The following GALNT18 variants were observed in gnomAD, a reference collection of about 807,000 sequenced individuals.
GALNT18 encodes the protein GalNAc-transferase 18.
Under a neutral mutation model 69.5 loss-of-function variants are expected in GALNT18, and 44 were observed. The observed-to-expected ratio is 0.63, with a 90% confidence interval of 0.50 to 0.81. The LOEUF (loss-of-function observed/expected upper bound fraction) is 0.81. Among genes scored for constraint, GALNT18 ranks in the 40% least tolerant of loss-of-function variants. The probability of loss-of-function intolerance (pLI) is 0.00; values close to 1 mark genes in which losing one functional copy is unlikely to be tolerated. For missense variants in GALNT18, 715 were observed against 810.0 expected (o/e 0.88, Z 1.42); for synonymous variants, 364 against 318.2 (o/e 1.14, Z -1.53).
chr11:11,503,307 T>G (rs1346355296), intron 1 of GALNT18, among the ~76,000 whole-genome samples: 1 of 152,218 alleles, frequency 6.6e-6, no homozygotes, highest in Non-Finnish European at 1.5e-5. Context: ...TCTCTGAGCC[T>G]GTTTCCTCAG....
rs534117264 is a variant in GALNT18, at chr11:11,465,890, T to C, written c.236-16954A>G. Among the ~76,000 whole-genome samples, 1 of 152,296 alleles carries C rather than the reference T, an allele frequency of 6.6e-6. No individual in the cohort carries two copies. Among genetic ancestry groups the C allele is most frequent in the East Asian group, 1.9e-4 (1 of 5,184 alleles). On this transcript the variant is annotated intron_variant, in intron 1 of 10. Coordinates refer to ENST00000227756, the MANE Select transcript of GALNT18 (RefSeq NM_198516.3). The surrounding 1 kb of genome is among the most constrained non-coding windows in gnomAD (Gnocchi z 5.7). ...TGCCTTCTTCCCTGGCCTCACTGCATGGCTCACCAGTGCTCTGCTCAACAT... is the reference window on the plus strand; with the variant it reads ...TGCCTTCTTCCCTGGCCTCACTGCACGGCTCACCAGTGCTCTGCTCAACAT...
intron 3 of GALNT18, among the ~76,000 whole-genome samples, chr11:11,406,051 A>G (rs902706183): frequency 6.6e-6 from 1 of 152,232 alleles, no homozygotes; most frequent in African/African-American, 2.4e-5. Flanking sequence ...AAACAGCTAC[A>G]TGAGGATAAA....
At position 11,356,994 on chromosome 11, in the gene GALNT18, C is replaced by T. The variant is rs12291742; in HGVS notation, c.1092+15521G>A. Among the ~76,000 whole-genome samples, 199 of 152,240 alleles carry T rather than the reference C, an allele frequency of 1.3e-3. No homozygotes were observed. Among genetic ancestry groups the T allele is most frequent in the South Asian group, 3.3e-3 (16 of 4,818 alleles). ...CTGGCTGGTGTGCTAGGGGATAACA[C>T]GCAATAGCCACGGAGCTTCCTGCTC... On this transcript the variant is annotated intron_variant, in intron 6 of 10. Coordinates refer to ENST00000227756, the MANE Select transcript of GALNT18 (RefSeq NM_198516.3). The surrounding 1 kb of genome is among the most constrained non-coding windows in gnomAD (Gnocchi z 4.4).
In GALNT18 at chr11:11,496,113, T is replaced by C. The variant is rs1312761772; in HGVS notation, c.236-47177A>G. Among the ~76,000 whole-genome samples, 4 of 152,220 alleles carry C rather than the reference T, an allele frequency of 2.6e-5. No homozygotes were observed. Among genetic ancestry groups the C allele is most frequent in the Admixed American group, 1.3e-4 (2 of 15,280 alleles). On this transcript the variant is annotated intron_variant, in intron 1 of 10. Transcript: ENST00000227756. The surrounding 1 kb of genome is among the most constrained non-coding windows in gnomAD (Gnocchi z 4.0). Reference sequence around the variant, plus strand: ...GCAAAGAATAAGAGCCAGGAGCTTCTTGTGTGTTTGTTGAATGAATGAATG... The same window carrying C: ...GCAAAGAATAAGAGCCAGGAGCTTCCTGTGTGTTTGTTGAATGAATGAATG...
chr11:11,593,047 C>G (rs1859396152), intron 1 of GALNT18, among the ~76,000 whole-genome samples: 1 of 152,180 alleles, frequency 6.6e-6, no homozygotes, highest in Non-Finnish European at 1.5e-5. Flanking sequence ...TCCTGAGTAG[C>G]TGGGACTACA....
intron 1 of GALNT18, among the ~76,000 whole-genome samples, chr11:11,554,970 A>C (rs779251165): frequency 5.9e-5 from 9 of 152,212 alleles, no homozygotes; most frequent in Non-Finnish European, 1.0e-4. Flanking sequence ...TGGGAAGGAA[A>C]CACAGAATCT....
intron 5 of GALNT18, among the ~76,000 whole-genome samples, chr11:11,376,843 A>G (rs1465606554): frequency 6.6e-6 from 1 of 152,166 alleles, no homozygotes. Context: ...TAATGTTCCT[A>G]TTCCAATGAT....
At chr11:11,428,420 T>C (rs548898454) in intron 3 of GALNT18, among the ~76,000 whole-genome samples, 4 of 152,360 alleles carry the variant, frequency 2.6e-5, no homozygotes, top group African/African-American at 9.6e-5. Context: ...CTTCCCACCA[T>C]GTCTGGCCTC....
rs944523196 is a variant in GALNT18, at chr11:11,402,213, G to A, written c.596-22949C>T. On this transcript the variant is annotated intron_variant, in intron 3 of 10. Coordinates refer to ENST00000227756, the MANE Select transcript of GALNT18 (RefSeq NM_198516.3). This position sits in a 1 kb window ranked among gnomAD's most constrained non-coding sequence, Gnocchi z 4.0. ...GTTTATTTTCTGTCACCTTGGGAAC[G>A]CTACCCTTCAGAGTGTTTATAGAAC... Among the ~76,000 whole-genome samples the A allele has an allele frequency of 6.6e-6, 1 of 152,192 alleles. No homozygotes were observed. Among genetic ancestry groups the A allele is most frequent in the South Asian group, 2.1e-4 (1 of 4,820 alleles).
rs964677269 is a variant in GALNT18 at position 11,337,594 on chromosome 11, G to A, written c.1278+3225C>T. 6.6e-6 allele frequency among the ~76,000 whole-genome samples: 1 copy of A among 152,272 alleles called. No individual in the cohort carries two copies. The highest frequency in any genetic ancestry group is 1.9e-4 in the East Asian group (1 of 5,178). On this transcript the variant is annotated intron_variant, in intron 7 of 10. Transcript: ENST00000227756. The surrounding 1 kb of genome is among the most constrained non-coding windows in gnomAD (Gnocchi z 4.9). ...CATGCAATGACAGAGAGATATTTAGGAGGGGGAGCTCTTCCCCCAGTTGGA... is the reference window on the plus strand; with the variant it reads ...CATGCAATGACAGAGAGATATTTAGAAGGGGGAGCTCTTCCCCCAGTTGGA...
intron 6 of GALNT18, among the ~76,000 whole-genome samples, chr11:11,357,904 A>G (rs1850563589): frequency 6.6e-6 from 1 of 152,240 alleles, no homozygotes. Context: ...TGCACTAAAT[A>G]CAAAATAAAT....
chr11:11,405,111 C>T (rs915256833), intron 3 of GALNT18, among the ~76,000 whole-genome samples: 67 of 152,260 alleles, frequency 4.4e-4, no homozygotes, highest in African/African-American at 1.5e-3. Flanking sequence ...GAGCCCCGGC[C>T]GTGGCAACCT....
chr11:11,288,929 A>G (rs1042966918), intron 10 of GALNT18, among the ~76,000 whole-genome samples: 4 of 152,164 alleles, frequency 2.6e-5, no homozygotes, highest in Non-Finnish European at 5.9e-5. Flanking sequence ...TGTGGAGCTT[A>G]AATGTGGTCC....
At position 11,448,835 on chromosome 11, in the gene GALNT18, C is replaced by T; in HGVS notation, c.337G>A (p.Ala113Thr). The T allele has an allele frequency of 6.2e-7, 1 of 1,612,710 alleles. No homozygotes were observed. The highest frequency in any genetic ancestry group is 8.5e-7 in the Non-Finnish European group (1 of 1,179,488). The change falls in exon 2 of 11, where the codon GCC becomes ACC. Residue 113 changes from alanine to threonine, a missense_variant. Coordinates refer to ENST00000227756, the MANE Select transcript of GALNT18 (RefSeq NM_198516.3). ...CCGTAGTACTGGAATTGCTTCAGGG[C>T]CACGCGCCGGCCTTCGGGGCTGAGC... Reference protein sequence around the residue: ...QELSPEGRRVALKQFQYYGYN... With the variant: ...QELSPEGRRVTLKQFQYYGYN...
intron 1 of GALNT18, among the ~76,000 whole-genome samples, chr11:11,537,592 T>C (rs1857812283): frequency 6.6e-6 from 1 of 152,140 alleles, no homozygotes; most frequent in South Asian, 2.1e-4. Context: ...AGCCCAGCCA[T>C]GGAGAAAGTC....
intron 1 of GALNT18, among the ~76,000 whole-genome samples, chr11:11,611,798 A>C (rs1237612744): frequency 6.6e-6 from 1 of 152,130 alleles, no homozygotes; most frequent in African/African-American, 2.4e-5. Context: ...CGCTTTTTTG[A>C]CAAGGACCAG....
At chr11:11,388,568 TGCTGATTTCAGGCTACCA>T (rs60345668) in intron 3 of GALNT18, among the ~76,000 whole-genome samples, 21,759 of 152,206 alleles carry the variant, frequency 0.14, 1,762 homozygotes, top group Middle Eastern at 0.29. Flanking sequence ...CTTCCACCAT[TGCTGATTTCAGGCTACCA>T]GCCTGACGCC....
At position 11,435,766 on chromosome 11, in the gene GALNT18, C is replaced by G. The variant is rs1855384313; in HGVS notation, c.429-2979G>C. On this transcript the variant is annotated intron_variant, in intron 2 of 10. Transcript: ENST00000227756. The surrounding 1 kb of genome is among the most constrained non-coding windows in gnomAD (Gnocchi z 4.4). Reference sequence around the variant, plus strand: ...CTCCTTTTTCTTACAAACCTCCTCCCTTGGAAGGAGAGTCAGGTCCCGGTC... The same window carrying G: ...CTCCTTTTTCTTACAAACCTCCTCCGTTGGAAGGAGAGTCAGGTCCCGGTC... 2.0e-5 allele frequency among the ~76,000 whole-genome samples: 3 copies of G among 152,166 alleles called. No homozygotes were observed. The highest frequency in any genetic ancestry group is 7.2e-5 in the African/African-American group (3 of 41,440).
chr11:11,296,405 C>T (rs7128869), intron 9 of GALNT18, among the ~76,000 whole-genome samples: 55,649 of 151,888 alleles, frequency 0.37, 10,192 homozygotes, highest in Admixed American at 0.39. Flanking sequence ...GTTTATACCC[C>T]TGGGTTGAAT....
Sources: gnomAD v4.1 joint callset for allele counts (sites outside exome capture counted in the v4.1 genomes callset) on GRCh38, gnomAD v4.1.1 for gene constraint, Gnocchi (gnomAD v3.1) non-coding constraint, MANE v1.5 for transcripts, NCBI Gene and HGNC (gene_info 2026-07-23, HGNC 2026-07-21) for gene names.